The following TM6SF1 variants were observed in gnomAD, a reference collection of about 807,000 sequenced individuals.
TM6SF1 encodes the protein transmembrane 6 superfamily member 1.
TM6SF1 carries 43 observed loss-of-function variants against 47.1 expected under a neutral mutation model. The observed-to-expected ratio is 0.91, with a 90% CI of 0.72 to 1.18. TM6SF1 has a LOEUF of 1.18. Ranked by LOEUF, TM6SF1 falls within the 50% of genes most tolerant of loss-of-function variation. The pLI, the probability that TM6SF1 is intolerant of heterozygous loss-of-function variation, is 0.00. For missense variants in TM6SF1, 390 were observed against 449.0 expected (o/e 0.87, Z 1.19); for synonymous variants, 177 against 166.3 (o/e 1.06, Z -0.49).
intron 1 of TM6SF1, among the ~76,000 whole-genome samples, chr15:83,111,263 A>G (rs758616702): frequency 6.6e-6 from 1 of 151,684 alleles, no homozygotes; most frequent in Non-Finnish European, 1.5e-5. Context: ...ATCATCATCT[A>G]TCCATCCATT....
chr15:83,122,589 T>C (rs756186703), intron 5 of TM6SF1, among the ~76,000 whole-genome samples, 168 bp from the exon 6 acceptor site: 3 of 152,202 alleles, frequency 2.0e-5, no homozygotes, highest in Non-Finnish European at 2.9e-5. Flanking sequence ...GACATGCCTG[T>C]TAATACACAT....
At chr15:83,131,110 AC>A (rs1230135405) in intron 9 of TM6SF1, 35 of 152,272 alleles carry the variant, frequency 2.3e-4, no homozygotes, top group African/African-American at 7.7e-4. Context: ...CCACAAAAAA[AC>A]AAAACAAAAC....
chr15:83,127,090 A>G (rs943668515), intron 8 of TM6SF1, among the ~76,000 whole-genome samples: 1 of 152,060 alleles, frequency 6.6e-6, no homozygotes, highest in African/African-American at 2.4e-5. Flanking sequence ...GCTACTCAGG[A>G]GGCTGAGGCA....
chr15:83,130,017 G>A (rs2036108367), intron 9 of TM6SF1: 1 of 152,260 alleles, frequency 6.6e-6, no homozygotes, highest in South Asian at 2.1e-4. Flanking sequence ...TGTGTCAATT[G>A]TGCTTTGCCT....
chr15:83,128,102 G>A (rs1023558068), intron 9 of TM6SF1: 2 of 152,130 alleles, frequency 1.3e-5, no homozygotes, highest in African/African-American at 4.8e-5. Context: ...GAACAAGGAA[G>A]AAAATTAATT....
chr15:83,129,816 T>C (rs943326921), intron 9 of TM6SF1: 1 of 152,204 alleles, frequency 6.6e-6, no homozygotes, highest in Non-Finnish European at 1.5e-5. Context: ...AGGGAAACAC[T>C]GAGGTGTGGG....
intron 7 of TM6SF1, 33 bp from the exon 8 acceptor site, chr15:83,126,722 G>A (rs768623546): frequency 1.3e-6 from 2 of 1,550,926 alleles, no homozygotes; most frequent in South Asian, 1.1e-5. Context: ...AGATGTGATT[G>A]TATTTTTATA....
chr15:83,131,293 A>C (rs1303562943), intron 9 of TM6SF1: 1 of 152,050 alleles, frequency 6.6e-6, no homozygotes, highest in African/African-American at 2.4e-5. Context: ...GGAAAAAAAA[A>C]CCACCTTTGA....
At chr15:83,119,237 C>T (rs2034991243) in intron 3 of TM6SF1, among the ~76,000 whole-genome samples, 3 of 152,314 alleles carry the variant, frequency 2.0e-5, no homozygotes, top group Middle Eastern at 6.8e-3. Flanking sequence ...CTGCCAAGCA[C>T]CTTGTGTCAA....
Position 83,111,302 on chromosome 15 carries a change from TCATC to T in TM6SF1, c.93-1490_93-1487del, listed in dbSNP as rs771015057. On this transcript the variant is annotated intron_variant, in intron 1 of 9. Coordinates refer to ENST00000322019, the MANE Select transcript of TM6SF1 (RefSeq NM_023003.5). ...CCATCATCCTCCATCATCCATCAATTCATCCATCATCCATCCATCCATTTATCCA... is the reference window on the plus strand; with the variant it reads ...CCATCATCCTCCATCATCCATCAATTCATCATCCATCCATCCATTTATCCA... Among the ~76,000 whole-genome samples the T allele has an allele frequency of 1.7e-3, 261 of 151,816 alleles. 1 individual carries two copies. The highest frequency in any genetic ancestry group is 2.4e-3 in the Non-Finnish European group (166 of 67,868).
At chr15:83,114,278 AC>A (rs1359445568) in intron 2 of TM6SF1, 1 of 152,370 alleles carries the variant, frequency 6.6e-6, no homozygotes, top group Non-Finnish European at 1.5e-5. Context: ...GTCTGTTACA[AC>A]TTTGAGTACA....
At chr15:83,127,551 C>T in intron 9 of TM6SF1, 74 bp downstream of exon 9, 1 of 1,554,560 alleles carries the variant, frequency 6.4e-7, no homozygotes, top group Non-Finnish European at 8.8e-7. Flanking sequence ...AAAAACTTCT[C>T]TGCTCAGTGT....
chr15:83,132,263 A>C (rs1355602314), intron 9 of TM6SF1: 2 of 152,224 alleles, frequency 1.3e-5, no homozygotes, highest in Non-Finnish European at 2.9e-5. Context: ...GATATGCCTT[A>C]TGTTGTTCCG....
chr15:83,132,627 C>T (rs771516155), intron 9 of TM6SF1: 1 of 152,108 alleles, frequency 6.6e-6, no homozygotes, highest in Non-Finnish European at 1.5e-5. Context: ...CTCCTGGACT[C>T]AAGTGACCCT....
At position 83,115,825 on chromosome 15, in the gene TM6SF1, T is replaced by G; in HGVS notation, c.197-20T>G. On this transcript the variant is annotated intron_variant, in intron 2 of 9. Transcript: ENST00000322019. ...TCTCCTGAGCTATTGCTTTTTAAAC[T>G]GCTGCTTTCTTTGCTCTAGTGTATG... The G allele has an allele frequency of 6.4e-7, 1 of 1,573,724 alleles. No homozygotes were observed. The highest frequency in any genetic ancestry group is 8.7e-7 in the Non-Finnish European group (1 of 1,143,218).
intron 3 of TM6SF1, among the ~76,000 whole-genome samples, chr15:83,119,373 T>C (rs995850861): frequency 6.6e-6 from 1 of 152,236 alleles, no homozygotes; most frequent in Admixed American, 6.5e-5. Flanking sequence ...ATTCTCTAAT[T>C]CCATCCTCTG....
At chr15:83,116,508 C>T (rs2034672323) in intron 3 of TM6SF1, among the ~76,000 whole-genome samples, 1 of 152,196 alleles carries the variant, frequency 6.6e-6, no homozygotes, top group South Asian at 2.1e-4. Context: ...AGGAAAAGGG[C>T]TCAAAGCAGA....
At chr15:83,111,139 T>C (rs1475472102) in intron 1 of TM6SF1, among the ~76,000 whole-genome samples, 3 of 152,226 alleles carry the variant, frequency 2.0e-5, no homozygotes, top group African/African-American at 7.2e-5. Flanking sequence ...CCCAAAGTGC[T>C]TGGATTACAG....
chr15:83,132,964 C>G (rs17567151), intron 9 of TM6SF1: 37,935 of 152,160 alleles, frequency 0.25, 5,102 homozygotes, highest in African/African-American at 0.35. Flanking sequence ...AGATTTTCTA[C>G]AGTCGAGCAC....
Sources: allele counts gnomAD v4.1 joint callset (sites outside exome capture counted in the v4.1 genomes callset), GRCh38; gene constraint gnomAD v4.1.1; transcripts MANE v1.5; gene names NCBI Gene and HGNC (gene_info 2026-07-23, HGNC 2026-07-21).